The following INTS4 variants were observed in gnomAD, a reference collection of about 807,000 sequenced individuals.
The protein encoded by INTS4 is MSTP093.
In INTS4, 70 loss-of-function variants were observed where a neutral mutation model predicts 119.5. The ratio of observed to expected loss-of-function variants is 0.59; its 90% confidence interval spans 0.48 to 0.71. The LOEUF (loss-of-function observed/expected upper bound fraction) is 0.71, where lower values mean the gene tolerates loss of function less well. Ranked by LOEUF, INTS4 falls within the 30% of genes least tolerant of loss-of-function variation. The probability of loss-of-function intolerance (pLI) is 0.00; values close to 1 mark genes in which losing one functional copy is unlikely to be tolerated. For synonymous variants in INTS4, 316 were observed against 419.6 expected (o/e 0.75, Z 3.02); for missense variants, 867 against 1,173.2 (o/e 0.74, Z 3.81).
intron 4 of INTS4, among the ~76,000 whole-genome samples, chr11:77,965,360 T>G (rs1855454964): frequency 6.6e-6 from 1 of 152,204 alleles, no homozygotes; most frequent in African/African-American, 2.4e-5. Flanking sequence ...CTACTCTTAG[T>G]TATTTTTAAA....
Position 77,994,617 on chromosome 11 carries a change from A to C in INTS4, c.27T>G (p.Val9=), listed in dbSNP as rs951659027. MAAHLKKR[V]YEEFTKVVQP... The stretch of plus-strand genomic sequence containing the variant: ...GAACCACTTTCGTGAATTCCTCATA[A>C]ACCCGCTTCTTAAGGTGCGCCGCCA... Residue 9 remains valine (V), a synonymous_variant, in exon 1 of 23, where the codon GTT becomes GTG. Transcript: ENST00000534064. The C allele has an allele frequency of 6.2e-7, 1 of 1,614,046 alleles. No individual in the cohort carries two copies. Among genetic ancestry groups the C allele is most frequent in the Non-Finnish European group, 8.5e-7 (1 of 1,179,948 alleles).
rs538727731 is a variant in INTS4 at position 77,985,523 on chromosome 11, C to A, written c.247-3947G>T. ...TCTATAATGCATTTCTGGATCCCTG[C>A]TTCCAATAATTAATCGCCCCCTTCT... is the stretch of plus-strand genomic sequence containing the variant. On this transcript the variant is annotated intron_variant, in intron 2 of 22. Transcript: ENST00000534064. Among the ~76,000 whole-genome samples, 23 of 152,314 alleles carry A rather than the reference C, an allele frequency of 1.5e-4. No homozygotes were observed. The South Asian group carries it at 4.8e-3, about 32-fold the overall frequency.
At chr11:77,923,848 T>C (rs1953427443) in intron 12 of INTS4, among the ~76,000 whole-genome samples, 1 of 148,982 alleles carries the variant, frequency 6.7e-6, no homozygotes, top group African/African-American at 2.5e-5. Context: ...CACTGCAACC[T>C]CTGCTTCCAG....
intron 1 of INTS4, among the ~76,000 whole-genome samples, chr11:77,992,411 C>T (rs1856730546): frequency 6.6e-6 from 1 of 151,644 alleles, no homozygotes; most frequent in Non-Finnish European, 1.5e-5. Context: ...GAAAAGGAAA[C>T]AAATATCCGA....
chr11:77,960,871 A>G, intron 5 of INTS4, 82 bp downstream of exon 5: 1 of 1,231,666 alleles, frequency 8.1e-7, no homozygotes, highest in Non-Finnish European at 1.1e-6. Context: ...AGAATTTACA[A>G]TGTATCCAAG....
At chr11:77,884,355 C>G (rs893021859) in intron 21 of INTS4, among the ~76,000 whole-genome samples, 4 of 152,312 alleles carry the variant, frequency 2.6e-5, no homozygotes, top group Admixed American at 2.6e-4. Context: ...TGCATTCTTT[C>G]CACTACATTG....
chr11:77,903,832 T>C (rs1404215941), intron 16 of INTS4, among the ~76,000 whole-genome samples: 1 of 152,142 alleles, frequency 6.6e-6, no homozygotes. Flanking sequence ...TTGATCCAAT[T>C]CTTGGCCCAA....
At chr11:77,886,806 G>A (rs1257605636) in intron 21 of INTS4, among the ~76,000 whole-genome samples, 1 of 152,110 alleles carries the variant, frequency 6.6e-6, no homozygotes, top group African/African-American at 2.4e-5. Flanking sequence ...ACTCAAAACC[G>A]CTCAACTACA....
In INTS4 at chr11:77,978,935, G is replaced by C. The variant is rs931200640; in HGVS notation, c.471+61C>G. The stretch of plus-strand genomic sequence containing the variant: ...TAAGGCAGCTCCTAAAACCATTAAT[G>C]GTCCTTAGCAGTCCTCAGTTACCAG... On this transcript the variant is annotated intron_variant, in intron 4 of 22. Transcript: ENST00000534064. 6 of 1,006,810 alleles carry C rather than the reference G, an allele frequency of 6.0e-6. 1 individual carries two copies. Among genetic ancestry groups the C allele is most frequent in the Non-Finnish European group, 9.3e-6 (6 of 642,974 alleles). 62.4% of individuals were successfully genotyped at this position (1,006,810 alleles called of 1,614,324 possible).
At chr11:77,876,852 TC>T (rs1457466238), downstream of INTS4, 3 of 626,258 alleles carry the variant, frequency 4.8e-6, no homozygotes, top group African/African-American at 5.5e-5. Flanking sequence ...GGGGTACTTA[TC>T]TGAAAAATAT....
chr11:77,905,038 G>A (rs1952902356), intron 16 of INTS4, among the ~76,000 whole-genome samples: 1 of 152,202 alleles, frequency 6.6e-6, no homozygotes, highest in Non-Finnish European at 1.5e-5. Context: ...CATTGAGGGT[G>A]TGTCTATGAG....
intron 10 of INTS4, among the ~76,000 whole-genome samples, chr11:77,937,433 T>C (rs1953823954): frequency 6.6e-6 from 1 of 152,106 alleles, no homozygotes. Context: ...CAGAAAACTA[T>C]GGAGCAATAT....
intron 8 of INTS4, among the ~76,000 whole-genome samples, chr11:77,946,900 T>C (rs1433471419): frequency 4.0e-5 from 1 of 24,710 alleles, no homozygotes; most frequent in Non-Finnish European, 7.4e-5. Flanking sequence ...AACAATTAAA[T>C]GAAATCAGGA....
chr11:77,901,574 A>G (rs1793342), intron 17 of INTS4, 23 bp from the exon 18 acceptor site: 1 of 1,543,212 alleles, frequency 6.5e-7, no homozygotes, highest in African/African-American at 1.4e-5. Context: ...GATAATTAAC[A>G]ATCAATAAAA....
chr11:77,989,800 G>C (rs559625601), intron 2 of INTS4, among the ~76,000 whole-genome samples: 1 of 152,214 alleles, frequency 6.6e-6, no homozygotes, highest in Admixed American at 6.5e-5. Context: ...TCAGAAGGCT[G>C]AGGCAGGAGG....
At chr11:77,989,488 A>C (rs1374636275) in intron 2 of INTS4, among the ~76,000 whole-genome samples, 1 of 152,068 alleles carries the variant, frequency 6.6e-6, no homozygotes, top group East Asian at 1.9e-4. Context: ...ATAAAATAAA[A>C]TTCAGCGAAA....
intron 18 of INTS4, among the ~76,000 whole-genome samples, chr11:77,900,159 G>A (rs534704231): frequency 2.6e-5 from 4 of 151,910 alleles, no homozygotes; most frequent in South Asian, 4.2e-4. Flanking sequence ...GAGTGCAGTG[G>A]TGTGATTTCG....
At chr11:77,919,580 C>A (rs1348217635) in intron 14 of INTS4, among the ~76,000 whole-genome samples, 1 of 152,196 alleles carries the variant, frequency 6.6e-6, no homozygotes, top group Non-Finnish European at 1.5e-5. Flanking sequence ...GCCACTGCAC[C>A]CGGCCACATT....
intron 15 of INTS4, chr11:77,910,942 C>A: frequency 8.2e-7 from 1 of 1,220,170 alleles, no homozygotes; most frequent in Non-Finnish European, 1.1e-6. Context: ...ACATTAAATT[C>A]TGAATAGAAA....
Sources: allele counts gnomAD v4.1 joint callset (sites outside exome capture counted in the v4.1 genomes callset), GRCh38; gene constraint gnomAD v4.1.1; transcripts MANE v1.5; gene names NCBI Gene and HGNC (gene_info 2026-07-23, HGNC 2026-07-21).